Variants in ACOT11 observed in about 807,000 individuals in gnomAD.
The protein encoded by ACOT11 is acyl-CoA thioesterase 11.
In ACOT11, 69 loss-of-function variants were observed where a neutral mutation model predicts 77.5. The ratio of observed to expected loss-of-function variants is 0.89; its 90% CI spans 0.73 to 1.09. The LOEUF is 1.09. ACOT11 is among the 50% of genes least tolerant of loss of function. The pLI is 0.00. For synonymous variants in ACOT11, 279 were observed against 313.0 expected (o/e 0.89, Z 1.15); for missense variants, 766 against 813.7 (o/e 0.94, Z 0.71).
In ACOT11 at chr1:54,599,308, T is replaced by C; in HGVS notation, c.777T>C (p.Arg259=). ...VATIAASRLC[R]AHPTLKAIEM... ...CCTGCCTCCTCAGCCGGCTCTGCCG[T>C]GCCCACCCTACGCTGAAGGCCATTG... Residue 259 remains arginine (R), a synonymous_variant, in exon 8 of 16, where the codon CGT becomes CGC. Transcript: ENST00000343744. 1.3e-6 allele frequency: 2 copies of C among 1,588,536 alleles called. No homozygotes were observed. Among genetic ancestry groups the C allele is most frequent in the African/African-American group, 2.7e-5 (2 of 72,988 alleles).
intron 10 of ACOT11, 34 bp downstream of exon 10, chr1:54,602,758 A>G: frequency 1.3e-6 from 2 of 1,501,168 alleles, no homozygotes; most frequent in South Asian, 1.3e-5. Flanking sequence ...CAGAATGTGG[A>G]TTCGGGGCTG....
chr1:54,589,949 A>G (rs971948020), intron 3 of ACOT11, among the ~76,000 whole-genome samples: 1 of 152,060 alleles, frequency 6.6e-6, no homozygotes, highest in Admixed American at 6.5e-5. Context: ...TTCGCCGGGC[A>G]TGGTGGCAAG....
rs1487544602 is a variant in ACOT11, at chr1:54,609,856, G to T, written c.*744G>T. ...GGCAGGACTCCAGCGTCAGGATGTTGCCACTTGGAGTATGAACAATGGGCA... is the reference window on the plus strand; with the variant it reads ...GGCAGGACTCCAGCGTCAGGATGTTTCCACTTGGAGTATGAACAATGGGCA... On this transcript the variant is annotated 3_prime_UTR_variant, in exon 16 of 16. Coordinates refer to ENST00000343744, the MANE Select transcript of ACOT11 (RefSeq NM_147161.4). The T allele has an allele frequency of 3.1e-6, 5 of 1,614,026 alleles. No homozygotes were observed. The highest frequency in any genetic ancestry group is 4.2e-6 in the Non-Finnish European group (5 of 1,180,022).
chr1:54,568,218 G>A (rs1653803574), intron 1 of ACOT11, among the ~76,000 whole-genome samples: 1 of 152,098 alleles, frequency 6.6e-6, no homozygotes, highest in African/African-American at 2.4e-5. Context: ...GCCTAAAGAA[G>A]CTCCTCCCTG....
downstream of ACOT11, chr1:54,614,659 A>G (rs771111914): frequency 6.3e-7 from 1 of 1,575,582 alleles, no homozygotes; most frequent in Non-Finnish European, 8.6e-7. Flanking sequence ...TGTTGACAGA[A>G]GAGGGCTGGA....
chr1:54,623,398 C>G, intron 15 of ACOT11: 1 of 1,611,410 alleles, frequency 6.2e-7, no homozygotes, highest in Non-Finnish European at 8.5e-7. Flanking sequence ...CAGACCATGG[C>G]GACGCTCTCT....
rs1009758505 is a variant in ACOT11, at chr1:54,627,601, A to T, written c.1630-3133A>T. Among the ~76,000 whole-genome samples, 3 of 135,308 alleles carry T rather than the reference A, an allele frequency of 2.2e-5. 1 individual carries two copies. The highest frequency in any genetic ancestry group is 2.5e-5 in the African/African-American group (1 of 39,622). 88.8% of individuals were successfully genotyped at this position (135,308 alleles called of 152,430 possible). A position where few individuals can be genotyped will look rare whatever the true frequency, so the allele number is the denominator to read the frequency against. ...GGGGCTCCAGCATTTCAGATGTGAA[A>T]CAGCCATTTTATTAATAGAGCTGGT... On this transcript the variant is annotated intron_variant, in intron 15 of 16. Transcript: ENST00000371316.
chr1:54,603,656 C>T (rs1012859558), intron 10 of ACOT11, among the ~76,000 whole-genome samples: 7 of 152,058 alleles, frequency 4.6e-5, no homozygotes, highest in African/African-American at 7.2e-5. Flanking sequence ...CTTGCTGGCT[C>T]GCTCCCACCT....
At chr1:54,581,251 G>A (rs903826435) in intron 1 of ACOT11, among the ~76,000 whole-genome samples, 9 of 152,194 alleles carry the variant, frequency 5.9e-5, no homozygotes, top group African/African-American at 1.2e-4. Context: ...CCTGTTTAAG[G>A]TCGGATCATT....
chr1:54,588,858 C>T (rs752705712), intron 3 of ACOT11, among the ~76,000 whole-genome samples: 16 of 151,930 alleles, frequency 1.1e-4, no homozygotes, highest in East Asian at 3.9e-4. Context: ...GAGAGGATGC[C>T]GGGAAGGAGG....
At chr1:54,610,388 C>G, downstream of ACOT11, 1 of 1,608,670 alleles carries the variant, frequency 6.2e-7, no homozygotes, top group Non-Finnish European at 8.5e-7. Flanking sequence ...GCTGGGAGCA[C>G]CGGGGCTGAA....
At chr1:54,577,545 A>G in intron 1 of ACOT11, among the ~76,000 whole-genome samples, 1 of 152,296 alleles carries the variant, frequency 6.6e-6, no homozygotes, top group Middle Eastern at 3.4e-3. Flanking sequence ...ATACATACAT[A>G]TATATTACAA....
In ACOT11 at chr1:54,548,239, G is replaced by C; in HGVS notation, c.-71G>C. ...GGCCCACAGGCTTCATTTGGAGTCA[G>C]GCCTGGCTGTTGCTCAGGTGACCAG... is the stretch of plus-strand genomic sequence containing the variant. On this transcript the variant is annotated 5_prime_UTR_variant, in exon 1 of 16. Transcript: ENST00000343744. 1 of 1,549,652 alleles carries C rather than the reference G, an allele frequency of 6.5e-7. No individual in the cohort carries two copies. Among genetic ancestry groups the C allele is most frequent in the Admixed American group, 1.9e-5 (1 of 51,866 alleles).
Position 54,630,793 on chromosome 1 carries a change from G to A in ACOT11, c.1689G>A (p.Trp563Ter). The A allele has an allele frequency of 1.3e-6, 1 of 769,504 alleles. No individual in the cohort carries two copies. Among genetic ancestry groups the A allele is most frequent in the Non-Finnish European group, 2.4e-6 (1 of 414,290 alleles). The allele number at this position is 769,504 out of a possible 1,614,324, so 47.7% of individuals were successfully genotyped here. Reference sequence around the variant, plus strand: ...TCTCGGCAAGTGGCTTCTATTCCTGGGGGCTCGAATCCAGGTCAAAGGGTC... The same window carrying A: ...TCTCGGCAAGTGGCTTCTATTCCTGAGGGCTCGAATCCAGGTCAAAGGGTC... The change falls in exon 16 of 17, where the codon TGG becomes TGA. Residue 563 changes from tryptophan (W) to a stop codon, truncating the protein, a stop_gained. Coordinates refer to the ACOT11 transcript ENST00000371316. LOFTEE classifies it high-confidence loss of function.
At position 54,584,790 on chromosome 1, in the gene ACOT11, C is replaced by T. The variant is rs531415147; in HGVS notation, c.169C>T (p.His57Tyr). ...VQMSQLVLPC[H>Y]TNQRGELSVG... ...GATGAGCCAGCTGGTGCTGCCCTGC[C>T]ACACCAACCAACGTGGTGAGCTGAG... is the stretch of plus-strand genomic sequence containing the variant. The change falls in exon 2 of 16, where the codon CAC (histidine) becomes TAC (tyrosine). Residue 57 changes from histidine to tyrosine, a missense_variant. His to Tyr is a moderately conservative substitution (Grantham distance 83, BLOSUM62 2). Coordinates refer to ENST00000343744, the MANE Select transcript of ACOT11 (RefSeq NM_147161.4). This position sits in a 1 kb window ranked among gnomAD's most constrained non-coding sequence, Gnocchi z 6.3. The T allele has an allele frequency of 2.5e-6, 4 of 1,614,080 alleles. No individual in the cohort carries two copies. In the African/African-American group the frequency reaches 4.0e-5, roughly 16 times the overall value.
At chr1:54,571,465 T>C (rs766108561) in intron 1 of ACOT11, among the ~76,000 whole-genome samples, 6 of 151,892 alleles carry the variant, frequency 4.0e-5, no homozygotes, top group Admixed American at 6.6e-5. Context: ...GCGTAGAGAG[T>C]TGCTGGCACA....
intron 1 of ACOT11, among the ~76,000 whole-genome samples, chr1:54,575,509 C>T (rs1216258082): frequency 1.3e-5 from 2 of 152,092 alleles, no homozygotes; most frequent in Admixed American, 1.3e-4. Flanking sequence ...CCTTGTCTGA[C>T]CTCAAGGTCC....
intron 6 of ACOT11, 66 bp downstream of exon 6, chr1:54,594,757 C>T (rs1243602407): frequency 1.9e-6 from 3 of 1,549,410 alleles, no homozygotes; most frequent in South Asian, 1.2e-5. Flanking sequence ...CTGCCCCGGG[C>T]TCCCACTGGG....
At position 54,602,564 on chromosome 1, in the gene ACOT11, G is replaced by A. The variant is rs1363267049; in HGVS notation, c.1030-105G>A. 14 of 1,136,966 alleles carry A rather than the reference G, an allele frequency of 1.2e-5. 1 individual carries two copies. The South Asian group carries it at 2.9e-4, about 24-fold the overall frequency. 70.4% of individuals were successfully genotyped at this position (1,136,966 alleles called of 1,614,324 possible). A position where few individuals can be genotyped will look rare whatever the true frequency, so the allele number is the denominator to read the frequency against. On this transcript the variant is annotated intron_variant, in intron 9 of 15. Transcript: ENST00000343744. ...GATTCCAGCTGCCCCAGCGACACCT[G>A]AACTCCACGTTAGGGCTGCAGGAAC...
Sources: gnomAD v4.1 joint callset for allele counts (sites outside exome capture counted in the v4.1 genomes callset) on GRCh38, gnomAD v4.1.1 for gene constraint, Gnocchi (gnomAD v3.1) non-coding constraint, MANE v1.5 for transcripts, NCBI Gene and HGNC (gene_info 2026-07-23, HGNC 2026-07-21) for gene names.